NEDD4: variants seen among roughly 807,000 people sequenced by gnomAD.
NEDD4 encodes the protein E3 ubiquitin-protein ligase NEDD4.
NEDD4 carries 99 observed loss-of-function variants against 144.9 expected under a neutral mutation model. That is an observed-to-expected ratio of 0.68 (90% CI 0.58 to 0.81). The LOEUF is 0.81. NEDD4 is among the 30% of genes least tolerant of loss of function. The probability of loss-of-function intolerance (pLI) is 0.00; values close to 1 mark genes in which losing one functional copy is unlikely to be tolerated. For synonymous variants in NEDD4, 318 were observed against 350.6 expected, an observed-to-expected ratio of 0.91 and a Z score of 1.04; for missense variants, 985 against 1,065.9, an observed-to-expected ratio of 0.92 and a Z score of 1.06.
chr15:55,989,066 T>A (rs2037945697), intron 1 of NEDD4, among the ~76,000 whole-genome samples: 1 of 152,080 alleles, frequency 6.6e-6, no homozygotes, highest in East Asian at 1.9e-4. Flanking sequence ...TAAAACCCCA[T>A]CTCTACCAAA....
intron 2 of NEDD4, among the ~76,000 whole-genome samples, chr15:55,963,848 G>T (rs2037465998): frequency 6.6e-6 from 1 of 151,838 alleles, no homozygotes; most frequent in Non-Finnish European, 1.5e-5. Context: ...GTCTTTTTTT[G>T]GAAAATGTTA....
intron 17 of NEDD4, 125 bp downstream of exon 17, chr15:55,848,247 G>A: frequency 1.2e-6 from 1 of 834,196 alleles, no homozygotes; most frequent in Non-Finnish European, 2.0e-6. Context: ...GGGAAATGGG[G>A]GAGAGGAGAG....
intron 5 of NEDD4, among the ~76,000 whole-genome samples, chr15:55,911,087 TC>T (rs1300108725): frequency 6.6e-6 from 1 of 152,136 alleles, no homozygotes; most frequent in Non-Finnish European, 1.5e-5. Context: ...CAGTGGAGAT[TC>T]TTTCACATTT....
rs187007280 is a variant in NEDD4, at chr15:55,979,688, C to T, written c.46-13142G>A. Reference sequence around the variant, plus strand: ...CTTCTTAAACATTTTGTAAATTTTACATTCTATTTTTTCTTTAAAGAAAGT... The same window carrying T: ...CTTCTTAAACATTTTGTAAATTTTATATTCTATTTTTTCTTTAAAGAAAGT... On this transcript the variant is annotated intron_variant, in intron 1 of 28. Transcript: ENST00000435532. 1.4e-4 allele frequency among the ~76,000 whole-genome samples: 21 copies of T among 152,224 alleles called. No homozygotes were observed. In the East Asian group the frequency reaches 4.1e-3, roughly 29 times the overall value.
chr15:55,964,076 C>T (rs1430928980), intron 2 of NEDD4, among the ~76,000 whole-genome samples: 1 of 152,030 alleles, frequency 6.6e-6, no homozygotes, highest in Non-Finnish European at 1.5e-5. Context: ...GACTATTATG[C>T]ACTTCATTGT....
intron 5 of NEDD4, among the ~76,000 whole-genome samples, chr15:55,910,276 TTCTTCAA>T (rs1157334683): frequency 6.6e-6 from 1 of 152,180 alleles, no homozygotes; most frequent in Non-Finnish European, 1.5e-5. Flanking sequence ...GTTTGATTCT[TTCTTCAA>T]TCTGGCTTTT....
At chr15:55,833,494 C>T (rs1595721687) in intron 26 of NEDD4, among the ~76,000 whole-genome samples, 1 of 151,814 alleles carries the variant, frequency 6.6e-6, no homozygotes, top group Admixed American at 6.6e-5. Flanking sequence ...CCCGTCTCTA[C>T]TAAAAATACA....
chr15:55,889,599 A>G (rs770146576), intron 5 of NEDD4, among the ~76,000 whole-genome samples: 2 of 152,220 alleles, frequency 1.3e-5, no homozygotes, highest in African/African-American at 2.4e-5. Context: ...AGAAGTAGAG[A>G]TAAGTAATGG....
chr15:55,897,837 T>C (rs2035786913), intron 5 of NEDD4, among the ~76,000 whole-genome samples: 1 of 152,194 alleles, frequency 6.6e-6, no homozygotes, highest in South Asian at 2.1e-4. Flanking sequence ...TGATCCAAGC[T>C]TTCCCCTATA....
chr15:55,981,790 T>G (rs1415833567), intron 1 of NEDD4, among the ~76,000 whole-genome samples: 4 of 152,308 alleles, frequency 2.6e-5, no homozygotes, highest in Non-Finnish European at 5.9e-5. Context: ...GTCTGTATTT[T>G]AACAACTCTT....
rs1041104935 is a variant in NEDD4, at chr15:55,962,686, C to A, written c.119+3787G>T. Among the ~76,000 whole-genome samples the A allele has an allele frequency of 2.0e-5, 3 of 152,114 alleles. No homozygotes were observed. The South Asian group carries it at 6.2e-4, about 32-fold the overall frequency. ...CTCGAACTCCTGACCTCAGGTGATC[C>A]ACCCGCCTTAGCCTCCCAAAGTGTC... On this transcript the variant is annotated intron_variant, in intron 2 of 28. Transcript: ENST00000435532.
At chr15:55,834,969 A>G (rs1305482520) in intron 24 of NEDD4, among the ~76,000 whole-genome samples, 1 of 152,128 alleles carries the variant, frequency 6.6e-6, no homozygotes, top group Non-Finnish European at 1.5e-5. Context: ...CCTGTGCTTC[A>G]CCTGCTCCTC....
chr15:55,978,108 G>A (rs1298505602), intron 1 of NEDD4, among the ~76,000 whole-genome samples: 1 of 152,060 alleles, frequency 6.6e-6, no homozygotes, highest in African/African-American at 2.4e-5. Flanking sequence ...TATTTGTGGA[G>A]CTCCTGATAT....
At chr15:55,915,805 G>A (rs2036420374) in intron 5 of NEDD4, 2 of 1,613,602 alleles carry the variant, frequency 1.2e-6, no homozygotes, top group African/African-American at 1.3e-5. Flanking sequence ...CTGTGAAGCG[G>A]CCGTATGTCT....
In NEDD4 at chr15:55,941,146, T is replaced by C. The variant is rs114649998; in HGVS notation, c.237+10230A>G. ...TGTCTCTCTCATATAAGGCCAGCTGTTGTATATCAATTTCATTAATTTTTT... is the reference window on the plus strand; with the variant it reads ...TGTCTCTCTCATATAAGGCCAGCTGCTGTATATCAATTTCATTAATTTTTT... On this transcript the variant is annotated intron_variant, in intron 4 of 28. Coordinates refer to ENST00000435532, the MANE Select transcript of NEDD4 (RefSeq NM_006154.4). Among the ~76,000 whole-genome samples the C allele has an allele frequency of 9.2e-3, 1,394 of 152,262 alleles. 10 individuals are homozygous for C. The highest frequency in any genetic ancestry group is 0.029 in the African/African-American group (1,226 of 41,568).
In NEDD4 at chr15:55,834,265, G is replaced by A. The variant is rs781412371; in HGVS notation, c.2284C>T (p.Gln762Ter). The change falls in exon 25 of 29, where the codon CAG becomes TAG. Residue 762 changes from glutamine (Q) to a stop codon, truncating the protein, a stop_gained. Coordinates refer to ENST00000435532, the MANE Select transcript of NEDD4 (RefSeq NM_006154.4). LOFTEE classifies it high-confidence loss of function. ...TCATCAAAAATTTTGATGAGATCCTGTGGTATTAGTTCAAAGAATCCCTAG... is the reference window on the plus strand; with the variant it reads ...TCATCAAAAATTTTGATGAGATCCTATGGTATTAGTTCAAAGAATCCCTAG... ...FKEGFFELIPQDLIKIFDENE... is the reference protein window; with the variant it reads ...FKEGFFELIP 1 of 1,607,296 alleles carries A rather than the reference G, an allele frequency of 6.2e-7. No individual in the cohort carries two copies. The highest frequency in any genetic ancestry group is 8.5e-7 in the Non-Finnish European group (1 of 1,174,124).
intron 7 of NEDD4, 112 bp downstream of exon 7, chr15:55,872,303 A>C (rs1386945254): frequency 3.2e-6 from 1 of 307,906 alleles, no homozygotes. Flanking sequence ...AATAATATTT[A>C]GAAGTAACTT....
At chr15:55,951,471 C>A in intron 3 of NEDD4, 40 bp downstream of exon 3, 1 of 1,425,748 alleles carries the variant, frequency 7.0e-7, no homozygotes, top group East Asian at 2.5e-5. Flanking sequence ...AAAAATAAAA[C>A]AAAGTACATT....
At chr15:55,951,851 T>G (rs1452049115) in intron 2 of NEDD4, among the ~76,000 whole-genome samples, 1 of 152,078 alleles carries the variant, frequency 6.6e-6, no homozygotes, top group South Asian at 2.1e-4. Flanking sequence ...GATTATAAGC[T>G]TCCTAGATTT....
Sources: gnomAD v4.1 joint callset for allele counts (sites outside exome capture counted in the v4.1 genomes callset) on GRCh38, gnomAD v4.1.1 for gene constraint, MANE v1.5 for transcripts, NCBI Gene and HGNC (gene_info 2026-07-23, HGNC 2026-07-21) for gene names.